CCDC121: variants seen among roughly 807,000 people sequenced by gnomAD.
CCDC121 encodes the protein coiled-coil domain containing 121.
For missense variants in CCDC121, 238 were observed against 304.1 expected, an observed-to-expected ratio of 0.78 and a Z score of 1.62; for synonymous variants, 108 against 120.0, an observed-to-expected ratio of 0.90 and a Z score of 0.65.
At position 27,627,252 on chromosome 2, in the gene CCDC121, G is replaced by A. The variant is rs764334992; in HGVS notation, c.548C>T (p.Ala183Val). ...LNMKAQALKL[A>V]AKRFIFEYSC... The stretch of plus-strand genomic sequence containing the variant: ...GTATTCAAAAATAAACCGCTTTGCT[G>A]CCAACTTCAAGGCCTGGGCCTTCAT... Residue 183 changes from alanine (A) to valine (V), a missense_variant, in exon 2 of 2, where the codon GCA (alanine) becomes GTA (valine). Coordinates refer to ENST00000324364, the MANE Select transcript of CCDC121 (RefSeq NM_024584.5). 6.2e-7 allele frequency: 1 copy of A among 1,613,948 alleles called. No individual in the cohort carries two copies.
Position 27,626,459 on chromosome 2 carries a change from G to T in CCDC121, c.*504C>A, listed in dbSNP as rs1673281267. 1 of 152,628 alleles carries T rather than the reference G, an allele frequency of 6.6e-6. No individual in the cohort carries two copies. Among genetic ancestry groups the T allele is most frequent in the African/African-American group, 2.4e-5 (1 of 41,442 alleles). 9.5% of individuals were successfully genotyped at this position (152,628 alleles called of 1,614,324 possible). A position where few individuals can be genotyped will look rare whatever the true frequency, so the allele number is the denominator to read the frequency against. Reference sequence around the variant, plus strand: ...TTTTTCACTCATGAGAAAACTAGAAGGAGCTACCTGGTCACTGGCACAAAC... The same window carrying T: ...TTTTTCACTCATGAGAAAACTAGAATGAGCTACCTGGTCACTGGCACAAAC... On this transcript the variant is annotated 3_prime_UTR_variant, in exon 2 of 2. Transcript: ENST00000324364.
At chr2:27,628,394 A>G in intron 1 of CCDC121, 1 of 1,550,860 alleles carries the variant, frequency 6.4e-7, no homozygotes, top group Non-Finnish European at 8.7e-7. Context: ...ACCTACTTGC[A>G]CCTGGAATCC....
rs1673262776 is a variant in CCDC121 at position 27,625,706 on chromosome 2, A to G, written c.*1257T>C. The G allele has an allele frequency of 6.6e-6, 1 of 152,352 alleles. No homozygotes were observed. Among genetic ancestry groups the G allele is most frequent in the Non-Finnish European group, 1.5e-5 (1 of 68,034 alleles). 9.4% of individuals were successfully genotyped at this position (152,352 alleles called of 1,614,324 possible). A position where few individuals can be genotyped will look rare whatever the true frequency, so the allele number is the denominator to read the frequency against. On this transcript the variant is annotated 3_prime_UTR_variant, in exon 2 of 2. Transcript: ENST00000324364. Reference sequence around the variant, plus strand: ...TAAAAAACTACATATTTAACAGAAAAGTTGTTAAAGCTACAAGGTAAAGGC... The same window carrying G: ...TAAAAAACTACATATTTAACAGAAAGGTTGTTAAAGCTACAAGGTAAAGGC...
At position 27,625,654 on chromosome 2, in the gene CCDC121, A is replaced by T. The variant is rs1381568873; in HGVS notation, c.*1309T>A. ...GAACAGTAATAAAATCAGTGGATAA[A>T]TGTTTTTATTTAATAACATTGTTTA... is the stretch of plus-strand genomic sequence containing the variant. On this transcript the variant is annotated 3_prime_UTR_variant, in exon 2 of 2. Transcript: ENST00000324364. 6.6e-6 allele frequency: 1 copy of T among 152,358 alleles called. No homozygotes were observed. The highest frequency in any genetic ancestry group is 1.5e-5 in the Non-Finnish European group (1 of 68,036). 9.4% of individuals were successfully genotyped at this position (152,358 alleles called of 1,614,324 possible). A position where few individuals can be genotyped will look rare whatever the true frequency, so the allele number is the denominator to read the frequency against.
At position 27,626,561 on chromosome 2, in the gene CCDC121, T is replaced by C. The variant is rs1171409885; in HGVS notation, c.*402A>G. ...ATGAGGATAAACTGGCAGAACGCTA[T>C]TCAAAGTCTATTTGGAATGCTATCC... On this transcript the variant is annotated 3_prime_UTR_variant, in exon 2 of 2. Coordinates refer to ENST00000324364, the MANE Select transcript of CCDC121 (RefSeq NM_024584.5). The C allele has an allele frequency of 6.4e-6, 1 of 156,996 alleles. No homozygotes were observed. The highest frequency in any genetic ancestry group is 1.4e-5 in the Non-Finnish European group (1 of 71,338). 9.7% of individuals were successfully genotyped at this position (156,996 alleles called of 1,614,324 possible).
In CCDC121 at chr2:27,628,979, C is replaced by T. The variant is rs760200294; in HGVS notation, c.-148G>A. ...TCCTTTCTGACGCTGTGGTGGTTTT[C>T]GTTCGCAGCCCAGAACATTGCGGAA... On this transcript the variant is annotated 5_prime_UTR_variant, in exon 1 of 2. Transcript: ENST00000324364. 6 of 1,585,846 alleles carry T rather than the reference C, an allele frequency of 3.8e-6. No individual in the cohort carries two copies. The South Asian group carries it at 4.6e-5, about 12-fold the overall frequency.
rs1457858804 is a variant in CCDC121, at chr2:27,628,227, G to A, written c.-118-310C>T. On this transcript the variant is annotated intron_variant, in intron 1 of 1. Coordinates refer to ENST00000324364, the MANE Select transcript of CCDC121 (RefSeq NM_024584.5). ...TGGCAGAGCCTGGGTATTAAAGCCA[G>A]ATCTTATGACTTACTGAACACTGTT... 1.1e-5 allele frequency: 8 copies of A among 716,270 alleles called. No homozygotes were observed. In the East Asian group the frequency reaches 2.2e-4, roughly 19 times the overall value. The allele number at this position is 716,270 out of a possible 1,614,324, so 44.4% of individuals were successfully genotyped here.
rs758349067 is a variant in CCDC121, at chr2:27,627,771, T to C, written c.29A>G (p.Gln10Arg). The C allele has an allele frequency of 3.8e-5, 61 of 1,614,046 alleles. No homozygotes were observed. The South Asian group carries it at 6.3e-4, about 17-fold the overall frequency. Residue 10 changes from glutamine (Q) to arginine (R), a missense_variant, in exon 2 of 2, where the codon CAA becomes CGA. Gln to Arg is a conservative substitution (Grantham distance 43). Transcript: ENST00000324364. MTDLNKHIK[Q>R]AQTQRKQLLE... ...TAGCTGTTTCCGCTGGGTTTGAGCT[T>C]GTTTTATATGCTTGTTCAGATCCGT...
rs757827827 is a variant in CCDC121 at position 27,627,257 on chromosome 2, C to T, written c.543G>A (p.Lys181=). ...CAAAAATAAACCGCTTTGCTGCCAA[C>T]TTCAAGGCCTGGGCCTTCATATTAA... ...RELNMKAQAL[K]LAAKRFIFEY... is the part of the protein sequence containing the mutation. The change falls in exon 2 of 2, where the codon AAG becomes AAA. Residue 181 remains lysine (K), a synonymous_variant. Transcript: ENST00000324364. 1 of 1,614,006 alleles carries T rather than the reference C, an allele frequency of 6.2e-7. No individual in the cohort carries two copies. The highest frequency in any genetic ancestry group is 2.2e-5 in the East Asian group (1 of 44,880).
chr2:27,626,548 TGGC>T lies in CCDC121; in HGVS notation c.*412_*414del, dbSNP rs1489003807. 6.4e-6 allele frequency: 1 copy of T among 155,336 alleles called. No homozygotes were observed. The highest frequency in any genetic ancestry group is 2.4e-5 in the African/African-American group (1 of 41,550). The allele number at this position is 155,336 out of a possible 1,614,324, so 9.6% of individuals were successfully genotyped here. A position where few individuals can be genotyped will look rare whatever the true frequency, so the allele number is the denominator to read the frequency against. On this transcript the variant is annotated 3_prime_UTR_variant, in exon 2 of 2. Transcript: ENST00000324364. ...TTGGTCAAAAGGAATGAGGATAAAC[TGGC>T]AGAACGCTATTCAAAGTCTATTTGG...
At chr2:27,628,237 C>T in intron 1 of CCDC121, 2 of 748,536 alleles carry the variant, frequency 2.7e-6, no homozygotes, top group Middle Eastern at 3.8e-4. Flanking sequence ...GATCTTATGA[C>T]TTACTGAACA....
intron 1 of CCDC121, chr2:27,628,599 T>A (rs1184303302): frequency 6.4e-7 from 1 of 1,551,482 alleles, no homozygotes; most frequent in African/African-American, 1.4e-5. Context: ...TGCACCCTGC[T>A]CCAGTCCCGG....
intron 1 of CCDC121, chr2:27,628,406 A>G: frequency 1.3e-6 from 2 of 1,551,332 alleles, no homozygotes; most frequent in South Asian, 1.2e-5. Flanking sequence ...CTGGAATCCA[A>G]GCATTCATCC....
At position 27,627,400 on chromosome 2, in the gene CCDC121, C is replaced by G. The variant is rs1371397723; in HGVS notation, c.400G>C (p.Glu134Gln). ...ACTTCCCGTGTCTTTGAAGCTGTCT[C>G]AGCTTGGACTTTCTTTGTCTCCTCC... is the stretch of plus-strand genomic sequence containing the variant. ...LQEETKKVQA[E>Q]TASKTREVQA... Residue 134 changes from glutamate to glutamine, a missense_variant, in exon 2 of 2, where the codon GAG becomes CAG. Transcript: ENST00000324364. The G allele has an allele frequency of 6.2e-7, 1 of 1,614,104 alleles. No individual in the cohort carries two copies. Among genetic ancestry groups the G allele is most frequent in the African/African-American group, 1.3e-5 (1 of 74,930 alleles).
In CCDC121 at chr2:27,627,583, GTCT is replaced by G. The variant is rs769096547; in HGVS notation, c.214_216del (p.Arg72del). The G allele has an allele frequency of 6.8e-6, 11 of 1,613,964 alleles. No individual in the cohort carries two copies. The East Asian group carries it at 2.0e-4, about 29-fold the overall frequency. ...TCTGCATATCTGGAGGCTGATTCTTGTCTTCTTCGTTCAATCTCTCCACTTTTT... is the reference window on the plus strand; with the variant it reads ...TCTGCATATCTGGAGGCTGATTCTTGTCTTCGTTCAATCTCTCCACTTTTT... On this transcript the variant is annotated inframe_deletion, in exon 2 of 2. Transcript: ENST00000324364.
Position 27,627,874 on chromosome 2 carries a change from G to A in CCDC121, c.-75C>T. 2 of 1,614,042 alleles carry A rather than the reference G, an allele frequency of 1.2e-6. No individual in the cohort carries two copies. The highest frequency in any genetic ancestry group is 1.1e-5 in the South Asian group (1 of 91,064). ...TCTGGCTTGACAAAATTATTTATTAGACTATGATACGGTGGAAGGAGCCTT... is the reference window on the plus strand; with the variant it reads ...TCTGGCTTGACAAAATTATTTATTAAACTATGATACGGTGGAAGGAGCCTT... On this transcript the variant is annotated 5_prime_UTR_variant, in exon 2 of 2. Transcript: ENST00000324364.
At position 27,627,713 on chromosome 2, in the gene CCDC121, CTT is replaced by C. The variant is rs1476262275; in HGVS notation, c.85_86del (p.Lys29ValfsTer6). ...LEESRELHRE[K>X]LLVQAENRFF... The stretch of plus-strand genomic sequence containing the variant: ...ATCTGTTTTCAGCCTGGACAAGTAA[CTT>C]TTCTCGGTGTAGCTCCCTGGATTCC... On this transcript the variant is annotated frameshift_variant, in exon 2 of 2. Transcript: ENST00000324364. LOFTEE classifies it low-confidence loss of function (END_TRUNC). The C allele has an allele frequency of 1.2e-6, 2 of 1,613,822 alleles. No individual in the cohort carries two copies. The highest frequency in any genetic ancestry group is 2.7e-5 in the African/African-American group (2 of 74,870).
Position 27,627,432 on chromosome 2 carries a change from G to A in CCDC121, c.368C>T (p.Thr123Ile). 6.2e-7 allele frequency: 1 copy of A among 1,614,102 alleles called. No individual in the cohort carries two copies. Among genetic ancestry groups the A allele is most frequent in the South Asian group, 1.1e-5 (1 of 91,076 alleles). ...GACTTTCTTTGTCTCCTCCTGTAAT[G>A]TCTGTATTTCTTTCTCCTGCTTTTC... is the stretch of plus-strand genomic sequence containing the variant. ...LKEKQEKEIQ[T>I]LQEETKKVQA... The change falls in exon 2 of 2, where the codon ACA becomes ATA. Residue 123 changes from threonine (T) to isoleucine (I), a missense_variant. Coordinates refer to ENST00000324364, the MANE Select transcript of CCDC121 (RefSeq NM_024584.5).
intron 1 of CCDC121, chr2:27,628,719 G>A: frequency 1.3e-6 from 2 of 1,551,386 alleles, no homozygotes; most frequent in Non-Finnish European, 1.7e-6. Flanking sequence ...TGACAGGCAT[G>A]CTCCTCGTTT....
Sources: allele counts gnomAD v4.1 joint callset, GRCh38; gene constraint gnomAD v4.1.1; transcripts MANE v1.5; gene names NCBI Gene and HGNC (gene_info 2026-07-23, HGNC 2026-07-21).